The following TMEM63B variants were observed in gnomAD, a reference collection of about 807,000 sequenced individuals.
The protein encoded by TMEM63B is mechanosensitive cation channel TMEM63B.
In TMEM63B, 23 loss-of-function variants were observed where a neutral mutation model predicts 102.6. The ratio of observed to expected loss-of-function variants is 0.22; its 90% CI spans 0.16 to 0.32. The LOEUF is 0.32. Ranked by LOEUF, TMEM63B falls within the 10% of genes least tolerant of loss-of-function variation. TMEM63B has a pLI of 1.00. For synonymous variants in TMEM63B, 444 were observed against 437.0 expected (o/e 1.02, Z -0.20); for missense variants, 628 against 1,095.9 (o/e 0.57, Z 6.03).
intron 5 of TMEM63B, among the ~76,000 whole-genome samples, chr6:44,136,906 G>T (rs932658033): frequency 6.6e-6 from 1 of 152,220 alleles, no homozygotes; most frequent in African/African-American, 2.4e-5. Flanking sequence ...TTAGCCAGGC[G>T]TGGTGGTGGG....
chr6:44,151,862 G>A lies in TMEM63B; in HGVS notation c.1690G>A (p.Asp564Asn). The A allele has an allele frequency of 6.2e-7, 1 of 1,611,586 alleles. No homozygotes were observed. Among genetic ancestry groups the A allele is most frequent in the Non-Finnish European group, 8.5e-7 (1 of 1,179,090 alleles). Residue 564 changes from aspartate to asparagine, a missense_variant, in exon 19 of 24, where the codon GAC becomes AAC. Physicochemically the swap from Asp to Asn is conservative, Grantham distance 23. This residue lies in a region of TMEM63B where 61 missense variants were observed against 176.0 expected (regional missense o/e 0.35). Coordinates refer to ENST00000323267, the MANE Select transcript of TMEM63B (RefSeq NM_018426.3). ...TGCCCGCAGGTGTGTGTTCCTGCCC[G>A]ACAACGGCGCCTTCTTCGTGAACTA... The part of the protein sequence containing the change: ...AIRFECVFLP[D>N]NGAFFVNYVI...
chr6:44,154,589 C>A lies in TMEM63B; in HGVS notation c.2308-103C>A. The A allele has an allele frequency of 2.8e-6, 4 of 1,440,036 alleles. No individual in the cohort carries two copies. In the Admixed American group the frequency reaches 6.6e-5, roughly 24 times the overall value. The allele number at this position is 1,440,036 out of a possible 1,614,324, so 89.2% of individuals were successfully genotyped here. Reference sequence around the variant, plus strand: ...TGGTCTCCCTGGAGGGCTGCCCCCGCCCCCCAGGGCCCTGCCCACTCTGCT... The same window carrying A: ...TGGTCTCCCTGGAGGGCTGCCCCCGACCCCCAGGGCCCTGCCCACTCTGCT... On this transcript the variant is annotated intron_variant, in intron 23 of 23. Transcript: ENST00000323267.
At chr6:44,153,936 C>T in intron 21 of TMEM63B, 93 bp downstream of exon 21, 2 of 1,568,924 alleles carry the variant, frequency 1.3e-6, no homozygotes, top group Admixed American at 1.7e-5. Flanking sequence ...CTGGGGGTGG[C>T]AGGCAAGGGG....
In TMEM63B at chr6:44,152,260, C is replaced by T. The variant is rs1477999600; in HGVS notation, c.1836+252C>T. On this transcript the variant is annotated intron_variant, in intron 19 of 23. Transcript: ENST00000323267. This position sits in a 1 kb window ranked among gnomAD's most constrained non-coding sequence, Gnocchi z 6.4. ...ATTCTATGATGGGAGTTGGGGAGATCTGGGTCCCTAGCGCTAGGGTCCCTC... is the reference window on the plus strand; with the variant it reads ...ATTCTATGATGGGAGTTGGGGAGATTTGGGTCCCTAGCGCTAGGGTCCCTC... Among the ~76,000 whole-genome samples, 2 of 152,038 alleles carry T rather than the reference C, an allele frequency of 1.3e-5. No individual in the cohort carries two copies. Among genetic ancestry groups the T allele is most frequent in the Non-Finnish European group, 2.9e-5 (2 of 67,978 alleles).
intron 4 of TMEM63B, among the ~76,000 whole-genome samples, chr6:44,135,798 G>GCC (rs1435123103): frequency 2.6e-5 from 4 of 152,188 alleles, no homozygotes; most frequent in Admixed American, 1.3e-4. Flanking sequence ...TGCCCAAGGA[G>GCC]CCCCCCAGTC....
At chr6:44,139,397 C>T (rs1763771945) in intron 6 of TMEM63B, 70 bp from the exon 7 acceptor site, 1 of 1,582,160 alleles carries the variant, frequency 6.3e-7, no homozygotes, top group Admixed American at 1.7e-5. Flanking sequence ...TGGGTGAGGG[C>T]AGGCAAGTTG....
At position 44,148,196 on chromosome 6, in the gene TMEM63B, G is replaced by T; in HGVS notation, c.988-56G>T. The T allele has an allele frequency of 6.2e-7, 1 of 1,606,118 alleles. No homozygotes were observed. Among genetic ancestry groups the T allele is most frequent in the Non-Finnish European group, 8.5e-7 (1 of 1,175,206 alleles). Reference sequence around the variant, plus strand: ...CCCAAGTCAGCGTGGGCTGGATGCTGCAGGCCCCAGCCTGGCTTTCCAACT... The same window carrying T: ...CCCAAGTCAGCGTGGGCTGGATGCTTCAGGCCCCAGCCTGGCTTTCCAACT... On this transcript the variant is annotated intron_variant, in intron 12 of 23. Coordinates refer to ENST00000323267, the MANE Select transcript of TMEM63B (RefSeq NM_018426.3). This position sits in a 1 kb window ranked among gnomAD's most constrained non-coding sequence, Gnocchi z 5.1.
chr6:44,148,266 G>A lies in TMEM63B; in HGVS notation c.1002G>A (p.Glu334=). ...VRGCEQVEAI[E]YYTKLEQKLK... is the part of the protein sequence containing the mutation. Reference sequence around the variant, plus strand: ...CTCCCACAAAGGTGGAGGCCATTGAGTACTACACAAAGCTGGAGCAGAAGC... The same window carrying A: ...CTCCCACAAAGGTGGAGGCCATTGAATACTACACAAAGCTGGAGCAGAAGC... Residue 334 remains glutamate (E), a synonymous_variant, in exon 13 of 24, where the codon GAG becomes GAA. Coordinates refer to ENST00000323267, the MANE Select transcript of TMEM63B (RefSeq NM_018426.3). The surrounding 1 kb of genome is among the most constrained non-coding windows in gnomAD (Gnocchi z 5.1). The A allele has an allele frequency of 6.2e-7, 1 of 1,614,262 alleles. No individual in the cohort carries two copies. The highest frequency in any genetic ancestry group is 1.3e-5 in the African/African-American group (1 of 75,072).
chr6:44,129,690 A>T (rs961450284), intron 1 of TMEM63B, among the ~76,000 whole-genome samples: 1 of 152,148 alleles, frequency 6.6e-6, no homozygotes, highest in African/African-American at 2.4e-5. Flanking sequence ...GCTCTGTTAT[A>T]TTTCTATCAT....
chr6:44,132,604 C>T (rs1298442863), intron 1 of TMEM63B, among the ~76,000 whole-genome samples: 3 of 152,156 alleles, frequency 2.0e-5, no homozygotes, highest in East Asian at 1.9e-4. Flanking sequence ...CCCATAGTGC[C>T]CCAGGGTTCT....
chr6:44,140,387 C>G, intron 9 of TMEM63B, 27 bp downstream of exon 9: 1 of 1,573,994 alleles, frequency 6.4e-7, no homozygotes, highest in Non-Finnish European at 8.7e-7. Context: ...CCAGGTCCTG[C>G]CCCATCCCCA....
intron 8 of TMEM63B, 108 bp from the exon 9 acceptor site, chr6:44,140,144 G>C: frequency 1.2e-6 from 1 of 857,842 alleles, no homozygotes; most frequent in East Asian, 2.5e-5. Flanking sequence ...GCTGGTGGCA[G>C]TAGAGGGCCC....
intron 22 of TMEM63B, 76 bp from the exon 23 acceptor site, chr6:44,154,287 CAG>C: frequency 6.2e-7 from 1 of 1,601,342 alleles, no homozygotes; most frequent in Non-Finnish European, 8.6e-7. Flanking sequence ...GCAGCGCCAA[CAG>C]GGCCAAGCGG....
intron 5 of TMEM63B, among the ~76,000 whole-genome samples, chr6:44,137,239 C>T (rs1243230706): frequency 2.0e-5 from 3 of 152,174 alleles, no homozygotes; most frequent in Non-Finnish European, 4.4e-5. Context: ...AGACTCCAGA[C>T]CCCTTTCATA....
chr6:44,154,736 TG>T lies in TMEM63B; in HGVS notation c.2356del (p.Asp786MetfsTer22). 2 of 1,586,874 alleles carry T rather than the reference TG, an allele frequency of 1.3e-6. No individual in the cohort carries two copies. The highest frequency in any genetic ancestry group is 1.7e-6 in the Non-Finnish European group (2 of 1,169,150). ...TGCAGGACTCAGAGGTGGACGGGGA[TG>T]GGGATGGGGCTCCTGGGAGCTCAGG... Reference protein sequence around the residue: ...VLQDSEVDGDGDGAPGSSGDE... With the variant: ...VLQDSEVDGDXDGAPGSSGDE... On this transcript the variant is annotated frameshift_variant, in exon 24 of 24. Transcript: ENST00000323267. LOFTEE classifies it high-confidence loss of function.
At position 44,138,076 on chromosome 6, in the gene TMEM63B, C is replaced by T. The variant is rs945675722; in HGVS notation, c.370-404C>T. 1.3e-5 allele frequency among the ~76,000 whole-genome samples: 2 copies of T among 152,186 alleles called. 1 individual carries two copies. Among genetic ancestry groups the T allele is most frequent in the Middle Eastern group, 6.3e-3 (2 of 316 alleles). On this transcript the variant is annotated intron_variant, in intron 5 of 23. Transcript: ENST00000323267. ...CTGGGGTAGACTAGAGGATAAATAG[C>T]TGGAATTCAGGCAGCAAGGCCCTCT...
chr6:44,145,291 A>AT, intron 10 of TMEM63B, among the ~76,000 whole-genome samples: 1 of 146,944 alleles, frequency 6.8e-6, no homozygotes. Context: ...AAAAAAAAAA[A>AT]GCTATTAGGC....
At chr6:44,146,776 G>T in intron 10 of TMEM63B, 71 bp from the exon 11 acceptor site, 1 of 1,442,816 alleles carries the variant, frequency 6.9e-7, no homozygotes. Flanking sequence ...GAAGGTGATG[G>T]GGTCATGGAT....
intron 6 of TMEM63B, 148 bp downstream of exon 6, chr6:44,138,665 C>A: frequency 1.1e-6 from 1 of 879,894 alleles, no homozygotes; most frequent in Non-Finnish European, 1.8e-6. Context: ...GGCCAAGCCT[C>A]GGGTGCCTGA....
Sources: allele counts gnomAD v4.1 joint callset (sites outside exome capture counted in the v4.1 genomes callset), GRCh38; gene constraint gnomAD v4.1.1; regional missense constraint gnomAD v4.1.1; non-coding constraint Gnocchi (gnomAD v3.1); transcripts MANE v1.5; gene names NCBI Gene and HGNC (gene_info 2026-07-23, HGNC 2026-07-21).